The following A2M variants were observed in gnomAD, a reference collection of about 807,000 sequenced individuals.
A2M encodes C3 and PZP-like alpha-2-macroglobulin domain-containing protein 5.
Under a neutral mutation model 183.9 loss-of-function variants are expected in A2M, and 128 were observed. The ratio of observed to expected loss-of-function variants is 0.70; its 90% CI spans 0.60 to 0.81. A2M has a LOEUF of 0.81. Among genes scored for constraint, A2M ranks in the 30% least tolerant of loss-of-function variants. A2M has a pLI of 0.00. For synonymous variants in A2M, 592 were observed against 670.8 expected, an observed-to-expected ratio of 0.88 and a Z score of 1.81; for missense variants, 1,495 against 1,787.6, an observed-to-expected ratio of 0.84 and a Z score of 2.95.
At chr12:9,102,849 A>G (rs1316650184) in intron 11 of A2M, among the ~76,000 whole-genome samples, 1 of 152,220 alleles carries the variant, frequency 6.6e-6, no homozygotes, top group Non-Finnish European at 1.5e-5. Context: ...TTCAAATTAG[A>G]GGGAGGTGCT....
intron 7 of A2M, among the ~76,000 whole-genome samples, chr12:9,107,875 T>G (rs1014068113): frequency 6.6e-6 from 1 of 151,030 alleles, no homozygotes; most frequent in Non-Finnish European, 1.5e-5. Context: ...TTTTTCCTCG[T>G]TTTTTTTTAG....
Position 9,091,358 on chromosome 12 carries a change from C to T in A2M, c.2312G>A (p.Cys771Tyr). The T allele has an allele frequency of 6.2e-7, 1 of 1,614,196 alleles. No homozygotes were observed. The highest frequency in any genetic ancestry group is 8.5e-7 in the Non-Finnish European group (1 of 1,180,040). Residue 771 changes from cysteine (C) to tyrosine (Y), a missense_variant, in exon 19 of 36, where the codon TGC (cysteine) becomes TAC (tyrosine). Coordinates refer to ENST00000318602, the MANE Select transcript of A2M (RefSeq NM_000014.6). ...ACCAAGTCCAGCATCTTCAGACAGG[C>T]AGAAGGCCCCTGCCTTCCACTCGGT... is the stretch of plus-strand genomic sequence containing the variant. Reference protein sequence around the residue: ...TITEWKAGAFCLSEDAGLGIS... With the variant: ...TITEWKAGAFYLSEDAGLGIS...
intron 28 of A2M, 53 bp downstream of exon 28, chr12:9,076,703 C>T: frequency 2.5e-6 from 4 of 1,591,754 alleles, no homozygotes; most frequent in Non-Finnish European, 3.4e-6. Flanking sequence ...TTTTGCCATG[C>T]AGTTCTTGAT....
At chr12:9,077,966 T>G in intron 25 of A2M, 109 bp from the exon 26 acceptor site, 1 of 1,290,380 alleles carries the variant, frequency 7.7e-7, no homozygotes, top group Non-Finnish European at 1.1e-6. Context: ...AATTCTTGTG[T>G]ACTTAGAGAG....
chr12:9,093,891 T>TCAAA (rs3832851), intron 17 of A2M, among the ~76,000 whole-genome samples: 3,413 of 151,006 alleles, frequency 0.023, 131 homozygotes, highest in African/African-American at 0.078. Context: ...AGACTTCGTC[T>TCAAA]CAAACAAACA....
Position 9,093,517 on chromosome 12 carries a change from T to C in A2M, c.2188A>G (p.Thr730Ala), listed in dbSNP as rs988325528. 6.2e-7 allele frequency: 1 copy of C among 1,613,708 alleles called. No homozygotes were observed. Among genetic ancestry groups the C allele is most frequent in the African/African-American group, 1.3e-5 (1 of 74,886 alleles). ...LVHVEEPHTE[T>A]VRKYFPETWI... ...GTCTCAGGGAAGTACTTTCGTACGG[T>C]CTCCGTGTGAGGCTCTTCAACATGC... The change falls in exon 18 of 36, where the codon ACC (threonine) becomes GCC (alanine). Residue 730 changes from threonine to alanine, a missense_variant. Coordinates refer to ENST00000318602, the MANE Select transcript of A2M (RefSeq NM_000014.6).
chr12:9,089,798 C>T (rs111424507), intron 21 of A2M, 104 bp downstream of exon 21: 12 of 839,952 alleles, frequency 1.4e-5, no homozygotes, highest in Non-Finnish European at 1.8e-5. Flanking sequence ...AGAGATAGGA[C>T]AGAGAGATAC....
intron 15 of A2M, among the ~76,000 whole-genome samples, chr12:9,095,925 A>AC (rs1949367322): frequency 6.8e-6 from 1 of 148,074 alleles, no homozygotes; most frequent in African/African-American, 2.5e-5. Context: ...GCGCCCGGCT[A>AC]ATTTTTTGTA....
chr12:9,091,231 C>A lies in A2M; in HGVS notation c.2439G>T (p.Thr813=), dbSNP rs375292452. 1.9e-6 allele frequency: 3 copies of A among 1,614,100 alleles called. No individual in the cohort carries two copies. The highest frequency in any genetic ancestry group is 2.5e-6 in the Non-Finnish European group (3 of 1,180,008). ...TGCATTTGGGAAGGTAGTTTAGGAC[C>A]GTGGCCTTGAGTGTGAAGGCCTCTC... The part of the protein sequence containing the change: ...IRGEAFTLKA[T]VLNYLPKCIR... The change falls in exon 19 of 36, where the codon ACG becomes ACT. Residue 813 remains threonine, a synonymous_variant. Coordinates refer to ENST00000318602, the MANE Select transcript of A2M (RefSeq NM_000014.6).
At chr12:9,071,555 A>G (rs79165425) in intron 31 of A2M, among the ~76,000 whole-genome samples, 2,465 of 152,154 alleles carry the variant, frequency 0.016, 69 homozygotes, top group African/African-American at 0.057. Context: ...TAAATTTTGC[A>G]CTGAATTGTT....
intron 32 of A2M, 74 bp from the exon 33 acceptor site, chr12:9,069,887 G>A (rs1948514712): frequency 7.7e-7 from 1 of 1,299,630 alleles, no homozygotes. Flanking sequence ...AAAAATCTTT[G>A]TATTGCCAAA....
chr12:9,071,431 A>AATAT (rs915053068), intron 31 of A2M, among the ~76,000 whole-genome samples: 1 of 151,412 alleles, frequency 6.6e-6, no homozygotes, highest in Non-Finnish European at 1.5e-5. Context: ...AAATGAAAAA[A>AATAT]ATATATATAT....
rs1949409607 is a variant in A2M, at chr12:9,097,264, C to A, written c.1851+1343G>T. ...TTCAGTTAAAATCCCATTAGAAGGACAAACAAGTAAGAAACATTTTTTTAT... is the reference window on the plus strand; with the variant it reads ...TTCAGTTAAAATCCCATTAGAAGGAAAAACAAGTAAGAAACATTTTTTTAT... On this transcript the variant is annotated intron_variant, in intron 15 of 35. Transcript: ENST00000318602. 2.0e-5 allele frequency among the ~76,000 whole-genome samples: 3 copies of A among 149,594 alleles called. No individual in the cohort carries two copies. In the South Asian group the frequency reaches 6.4e-4, roughly 32 times the overall value.
At chr12:9,111,778 C>T (rs1007358899) in intron 4 of A2M, among the ~76,000 whole-genome samples, 37 of 152,158 alleles carry the variant, frequency 2.4e-4, no homozygotes, top group Admixed American at 2.2e-3. Context: ...ATTACCCTGA[C>T]TTTCCTTTAT....
chr12:9,112,961 A>C (rs1193444686), intron 2 of A2M, among the ~76,000 whole-genome samples: 2 of 152,152 alleles, frequency 1.3e-5, no homozygotes, highest in East Asian at 3.9e-4. Context: ...ACCTTTGCTC[A>C]GGGTAATTTC....
intron 4 of A2M, 188 bp downstream of exon 4, chr12:9,111,971 C>T: frequency 1.3e-6 from 1 of 760,586 alleles, no homozygotes; most frequent in Non-Finnish European, 2.4e-6. Flanking sequence ...AGCACCAAGA[C>T]AGAAAGAATT....
intron 25 of A2M, 128 bp from the exon 26 acceptor site, chr12:9,077,985 CT>C (rs2137693779): frequency 1.9e-6 from 2 of 1,031,932 alleles, no homozygotes; most frequent in Admixed American, 2.3e-5. Context: ...AGCTTATCTC[CT>C]TGATTAATCT....
At chr12:9,093,753 G>A (rs2137813796) in intron 17 of A2M, among the ~76,000 whole-genome samples, 174 bp from the exon 18 acceptor site, 1 of 152,166 alleles carries the variant, frequency 6.6e-6, no homozygotes, top group Non-Finnish European at 1.5e-5. Context: ...GAGGAAATAT[G>A]TTGGTTGACT....
At chr12:9,094,247 A>G (rs916956326) in intron 17 of A2M, among the ~76,000 whole-genome samples, 3 of 151,030 alleles carry the variant, frequency 2.0e-5, no homozygotes, top group African/African-American at 7.3e-5. Context: ...TCGTGTCAGA[A>G]GATTACAGTT....
Sources: allele counts gnomAD v4.1 joint callset (sites outside exome capture counted in the v4.1 genomes callset), GRCh38; gene constraint gnomAD v4.1.1; transcripts MANE v1.5; gene names NCBI Gene and HGNC (gene_info 2026-07-23, HGNC 2026-07-21).